The following MRTFB variants were observed in gnomAD, a reference collection of about 807,000 sequenced individuals.
MRTFB encodes myocardin-related transcription factor B.
MRTFB carries 29 observed loss-of-function variants against 104.2 expected under a neutral mutation model. That is an observed-to-expected ratio of 0.28 (90% CI 0.21 to 0.38). The LOEUF is 0.38. MRTFB is among the 10% of genes least tolerant of loss of function. The pLI, the probability that MRTFB is intolerant of heterozygous loss-of-function variation, is 1.00. For synonymous variants in MRTFB, 535 were observed against 519.5 expected, an observed-to-expected ratio of 1.03 and a Z score of -0.41; for missense variants, 1,270 against 1,341.6, an observed-to-expected ratio of 0.95 and a Z score of 0.83.
At chr16:14,044,819 C>T in the MRTFB span, among the ~76,000 whole-genome samples, 37 of 152,220 alleles carry the variant, frequency 2.4e-4, no homozygotes, top group East Asian at 3.3e-3. Context: ...CCCAATGTTT[C>T]GGAATACTGC....
chr16:14,055,283 G>A, the MRTFB span, among the ~76,000 whole-genome samples: 2 of 152,218 alleles, frequency 1.3e-5, no homozygotes, highest in South Asian at 2.1e-4. Context: ...CCCGGGAAGC[G>A]GAGGTTTCCG....
At chr16:14,055,308 G>A in the MRTFB span, among the ~76,000 whole-genome samples, 2 of 152,202 alleles carry the variant, frequency 1.3e-5, no homozygotes, top group Non-Finnish European at 2.9e-5. Context: ...CCGAGATTGC[G>A]CCACTGCACT....
At position 14,220,006 on chromosome 16, in the gene MRTFB, T is replaced by C. The variant is rs2041612542; in HGVS notation, c.693+1008T>C. Among the ~76,000 whole-genome samples, 2 of 152,160 alleles carry C rather than the reference T, an allele frequency of 1.3e-5. 1 individual carries two copies. The highest frequency in any genetic ancestry group is 4.1e-4 in the South Asian group (2 of 4,828). ...AATGGTTGTGGAAGCTTGTTTCTCT[T>C]CTCCTTCCATGTGAATGTAGAGCCG... is the stretch of plus-strand genomic sequence containing the variant. On this transcript the variant is annotated intron_variant, in intron 8 of 16. Coordinates refer to ENST00000571589, the MANE Select transcript of MRTFB (RefSeq NM_001308142.2).
intron 3 of MRTFB, among the ~76,000 whole-genome samples, chr16:14,186,165 C>A (rs770200158): frequency 2.6e-5 from 4 of 152,210 alleles, no homozygotes; most frequent in African/African-American, 4.8e-5. Flanking sequence ...GCTGCAATTG[C>A]AGTACATTTC....
chr16:14,034,851 C>T, the MRTFB span, among the ~76,000 whole-genome samples: 1 of 152,100 alleles, frequency 6.6e-6, no homozygotes, highest in Non-Finnish European at 1.5e-5. Flanking sequence ...ACAATTCGAC[C>T]CCTAACAGGC....
chr16:14,239,783 T>C (rs1329367594), intron 9 of MRTFB, among the ~76,000 whole-genome samples: 4 of 152,274 alleles, frequency 2.6e-5, no homozygotes, highest in Non-Finnish European at 4.4e-5. Flanking sequence ...ATAGTTTATA[T>C]TGTTTTCTTC....
chr16:14,028,182 A>G, the MRTFB span, among the ~76,000 whole-genome samples: 1 of 151,642 alleles, frequency 6.6e-6, no homozygotes, highest in Non-Finnish European at 1.5e-5. Context: ...ATCTCAAAAA[A>G]CAAAAAAACA....
At chr16:14,252,299 G>C in intron 14 of MRTFB, 66 bp from the exon 15 acceptor site, 1 of 1,569,900 alleles carries the variant, frequency 6.4e-7, no homozygotes, top group South Asian at 1.2e-5. Context: ...GCAGAGCCGA[G>C]TCTAGCCAGG....
Position 14,261,050 on chromosome 16 carries a change from A to G in MRTFB, c.2906A>G (p.Glu969Gly). Reference sequence around the variant, plus strand: ...CAAATGGCACCACCTGTATCTTTAGAACCTATGGGCAGTTTATCTGCCAGC... The same window carrying G: ...CAAATGGCACCACCTGTATCTTTAGGACCTATGGGCAGTTTATCTGCCAGC... ...QVQMAPPVSL[E>G]PMGSLSASLE... The change falls in exon 17 of 17, where the codon GAA becomes GGA. Residue 969 changes from glutamate (E) to glycine (G), a missense_variant. By Grantham distance (98) the Glu-to-Gly change is moderately conservative. This residue lies in a region of MRTFB where 1,144 missense variants were observed against 1,131.5 expected (regional missense o/e 1.01). Transcript: ENST00000571589. 1 of 1,614,192 alleles carries G rather than the reference A, an allele frequency of 6.2e-7. No individual in the cohort carries two copies. Among genetic ancestry groups the G allele is most frequent in the South Asian group, 1.1e-5 (1 of 91,080 alleles).
At chr16:14,023,764 A>G in the MRTFB span, among the ~76,000 whole-genome samples, 2 of 152,066 alleles carry the variant, frequency 1.3e-5, no homozygotes, top group Non-Finnish European at 2.9e-5. Flanking sequence ...TGTGCCTGGC[A>G]CAAGGGCTGG....
At position 14,247,199 on chromosome 16, in the gene MRTFB, T is replaced by G; in HGVS notation, c.1939T>G (p.Cys647Gly). The part of the protein sequence containing the change: ...SIKDEASLPD[C>G]SSSRQPIPVA... The stretch of plus-strand genomic sequence containing the variant: ...CAAAGATGAGGCCTCACTCCCTGAC[T>G]GCTCCAGCTCCAGGCAGCCCATCCC... Residue 647 changes from cysteine (C) to glycine (G), a missense_variant, in exon 12 of 17, where the codon TGC becomes GGC. Transcript: ENST00000571589. The G allele has an allele frequency of 6.2e-7, 1 of 1,614,144 alleles. No homozygotes were observed. The highest frequency in any genetic ancestry group is 8.5e-7 in the Non-Finnish European group (1 of 1,180,026).
chr16:14,012,939 G>C, the MRTFB span: 1 of 152,096 alleles, frequency 6.6e-6, no homozygotes, highest in Admixed American at 6.6e-5. Flanking sequence ...AATGGAATAA[G>C]CTTAATACGT....
chr16:14,143,139 C>T (rs983312001), intron 3 of MRTFB: 1 of 148,428 alleles, frequency 6.7e-6, no homozygotes, highest in African/African-American at 2.5e-5. Context: ...GTAACATGTG[C>T]ATGATTTGGC....
chr16:14,196,525 A>C (rs934717793), intron 3 of MRTFB, among the ~76,000 whole-genome samples: 1 of 152,214 alleles, frequency 6.6e-6, no homozygotes, highest in Non-Finnish European at 1.5e-5. Flanking sequence ...TTTATGTTGA[A>C]ATCAAAGGCA....
the MRTFB span, among the ~76,000 whole-genome samples, chr16:14,054,762 C>T: frequency 3.3e-5 from 5 of 152,122 alleles, no homozygotes; most frequent in East Asian, 1.9e-4. Context: ...TATTATTGAA[C>T]GAAGCTCCCC....
At chr16:14,153,111 A>G (rs1198421862) in intron 3 of MRTFB, 1 of 152,208 alleles carries the variant, frequency 6.6e-6, no homozygotes, top group Non-Finnish European at 1.5e-5. Flanking sequence ...AAGAAAGGAA[A>G]TGAAAGTGAA....
At chr16:14,148,225 G>A (rs1470940976) in intron 3 of MRTFB, among the ~76,000 whole-genome samples, 1 of 152,216 alleles carries the variant, frequency 6.6e-6, no homozygotes, top group Non-Finnish European at 1.5e-5. Context: ...ACAAGACTTT[G>A]TGGAATTAAG....
chr16:14,062,785 A>C, the MRTFB span, among the ~76,000 whole-genome samples: 1 of 152,180 alleles, frequency 6.6e-6, no homozygotes. Flanking sequence ...TGGCTGGATG[A>C]ACTAAACTCC....
chr16:14,089,036 A>AAAT (rs1226855734), intron 2 of MRTFB, among the ~76,000 whole-genome samples: 1 of 152,176 alleles, frequency 6.6e-6, no homozygotes, highest in Non-Finnish European at 1.5e-5. Context: ...TCCTCATTTG[A>AAAT]ACAGATTGTG....
Sources: allele counts gnomAD v4.1 joint callset (sites outside exome capture counted in the v4.1 genomes callset), GRCh38; gene constraint gnomAD v4.1.1; regional missense constraint gnomAD v4.1.1; transcripts MANE v1.5; gene names NCBI Gene and HGNC (gene_info 2026-07-23, HGNC 2026-07-21).